SEPTIN2: variants seen among roughly 807,000 people sequenced by gnomAD.
SEPTIN2 encodes the protein septin 2, also known as septin-2.
SEPTIN2 carries 34 observed loss-of-function variants against 46.5 expected under a neutral mutation model. The observed-to-expected ratio is 0.73, with a 90% CI of 0.56 to 0.97. The LOEUF (loss-of-function observed/expected upper bound fraction) is 0.97, where lower values mean the gene tolerates loss of function less well. Ranked by LOEUF, SEPTIN2 falls within the 50% of genes least tolerant of loss-of-function variation. The pLI is 0.00. For missense variants in SEPTIN2, 347 were observed against 448.4 expected, an observed-to-expected ratio of 0.77 and a Z score of 2.04; for synonymous variants, 175 against 153.4, an observed-to-expected ratio of 1.14 and a Z score of -1.04.
At chr2:241,344,020 T>G in intron 9 of SEPTIN2, 123 bp downstream of exon 9, 1 of 1,202,996 alleles carries the variant, frequency 8.3e-7, no homozygotes, top group Non-Finnish European at 1.2e-6. Flanking sequence ...CCTCAGTGTT[T>G]CTCACATCGC....
At chr2:241,320,011 A>G (rs1278580981) in intron 1 of SEPTIN2, among the ~76,000 whole-genome samples, 1 of 151,384 alleles carries the variant, frequency 6.6e-6, no homozygotes, top group Non-Finnish European at 1.5e-5. Context: ...ATATTGGTAG[A>G]TGCTTTTGAT....
At chr2:241,346,021 T>C (rs1575381929) in intron 9 of SEPTIN2, 145 bp from the exon 10 acceptor site, 1 of 584,378 alleles carries the variant, frequency 1.7e-6, no homozygotes, top group Non-Finnish European at 3.1e-6. Context: ...ATACTCATTA[T>C]CCTGAAATCC....
intron 1 of SEPTIN2, 108 bp from the exon 2 acceptor site, chr2:241,324,108 G>GTA: frequency 1.0e-6 from 1 of 959,042 alleles, no homozygotes. Context: ...CATTGCCTAT[G>GTA]TATGTGTAAG....
chr2:241,316,644 C>G (rs1463673174), intron 1 of SEPTIN2: 1 of 945,202 alleles, frequency 1.1e-6, no homozygotes, highest in African/African-American at 1.7e-5. Context: ...CTTCCGTGGT[C>G]TCAGTGGAGT....
chr2:241,320,905 C>T (rs1257897569), intron 1 of SEPTIN2, among the ~76,000 whole-genome samples: 1 of 151,876 alleles, frequency 6.6e-6, no homozygotes, highest in Non-Finnish European at 1.5e-5. Context: ...TTGCTTTTAT[C>T]TTCCTTCCAT....
chr2:241,324,359 A>G (rs573882856), intron 2 of SEPTIN2, 118 bp downstream of exon 2: 2 of 807,314 alleles, frequency 2.5e-6, no homozygotes, highest in South Asian at 3.2e-5. Context: ...CATTTGATTC[A>G]TTAACACAAA....
chr2:241,329,774 C>T (rs2078679166), intron 3 of SEPTIN2, among the ~76,000 whole-genome samples: 1 of 152,108 alleles, frequency 6.6e-6, no homozygotes, highest in Non-Finnish European at 1.5e-5. Flanking sequence ...GATTGGCTAG[C>T]AACTTAGAAC....
chr2:241,324,645 G>A (rs2077655333), intron 2 of SEPTIN2: 4 of 289,280 alleles, frequency 1.4e-5, no homozygotes, highest in South Asian at 8.5e-5. Flanking sequence ...TTGGCCCCCC[G>A]AAGTGTTGGG....
intron 8 of SEPTIN2, 93 bp from the exon 9 acceptor site, chr2:241,343,659 C>A: frequency 7.2e-7 from 1 of 1,397,960 alleles, no homozygotes. Context: ...TAGTCAACAG[C>A]AATGTGTTAA....
intron 1 of SEPTIN2, among the ~76,000 whole-genome samples, chr2:241,323,315 C>G (rs563819192): frequency 1.3e-5 from 2 of 152,260 alleles, no homozygotes; most frequent in African/African-American, 4.8e-5. Flanking sequence ...GGATCACAGG[C>G]ACGCACCACC....
intron 3 of SEPTIN2, among the ~76,000 whole-genome samples, chr2:241,329,670 G>C (rs1342486552): frequency 6.6e-6 from 1 of 152,206 alleles, no homozygotes; most frequent in African/African-American, 2.4e-5. Flanking sequence ...AGGATCATTT[G>C]TAACCTGGGT....
chr2:241,335,523 G>A, intron 4 of SEPTIN2: 1 of 673,762 alleles, frequency 1.5e-6, no homozygotes, highest in Non-Finnish European at 2.6e-6. Flanking sequence ...AAAATGCTGT[G>A]TAACTAGAAG....
intron 3 of SEPTIN2, among the ~76,000 whole-genome samples, chr2:241,330,986 A>G (rs982636327): frequency 6.6e-6 from 1 of 152,188 alleles, no homozygotes; most frequent in Non-Finnish European, 1.5e-5. Flanking sequence ...CCCCCCCAAC[A>G]TGGTAAAACT....
intron 9 of SEPTIN2, among the ~76,000 whole-genome samples, chr2:241,344,643 C>T (rs1052318936): frequency 6.6e-6 from 1 of 152,126 alleles, no homozygotes; most frequent in Non-Finnish European, 1.5e-5. Context: ...GCAGAGGTTG[C>T]AGTGAGCCAA....
intron 3 of SEPTIN2, among the ~76,000 whole-genome samples, chr2:241,332,685 G>A (rs2079188602): frequency 6.6e-6 from 1 of 152,224 alleles, no homozygotes; most frequent in African/African-American, 2.4e-5. Flanking sequence ...AATATTCATA[G>A]CTACTTTTCT....
At chr2:241,330,304 C>T (rs933641667) in intron 3 of SEPTIN2, among the ~76,000 whole-genome samples, 6 of 152,084 alleles carry the variant, frequency 3.9e-5, no homozygotes, top group African/African-American at 1.4e-4. Context: ...TCATCAGCGA[C>T]ACAATGGGAA....
chr2:241,316,477 A>G (rs762503240), intron 1 of SEPTIN2: 1 of 1,499,758 alleles, frequency 6.7e-7, no homozygotes, highest in Non-Finnish European at 8.9e-7. Context: ...GATGCCGTGG[A>G]TAAGCGAGGG....
chr2:241,335,879 G>T, intron 4 of SEPTIN2, 96 bp from the exon 5 acceptor site: 1 of 1,494,986 alleles, frequency 6.7e-7, no homozygotes, highest in South Asian at 1.1e-5. Flanking sequence ...TACCTCTGTA[G>T]AGAGGCAGTA....
intron 1 of SEPTIN2, chr2:241,316,201 G>C (rs537269241): frequency 1.8e-4 from 55 of 311,182 alleles, no homozygotes; most frequent in Non-Finnish European, 2.9e-4. Flanking sequence ...CAGTGGCTCC[G>C]ACACGGGCAG....
Sources: gnomAD v4.1 joint callset for allele counts (sites outside exome capture counted in the v4.1 genomes callset) on GRCh38, gnomAD v4.1.1 for gene constraint, MANE v1.5 for transcripts, NCBI Gene and HGNC (gene_info 2026-07-23, HGNC 2026-07-21) for gene names.